Variants in RALGAPA2 observed in about 807,000 individuals in gnomAD.
RALGAPA2 encodes Ral GTPase activating protein catalytic subunit alpha 2.
In RALGAPA2, 139 loss-of-function variants were observed where a neutral mutation model predicts 230.4. The observed-to-expected ratio is 0.60, with a 90% CI of 0.53 to 0.69. The LOEUF is 0.69. Among genes scored for constraint, RALGAPA2 ranks in the 30% least tolerant of loss-of-function variants. The pLI is 0.00. For synonymous variants in RALGAPA2, 847 were observed against 837.8 expected (o/e 1.01, Z -0.19); for missense variants, 2,163 against 2,276.0 (o/e 0.95, Z 1.01).
intron 24 of RALGAPA2, among the ~76,000 whole-genome samples, chr20:20,541,543 T>C (rs902773434): frequency 3.3e-5 from 5 of 152,130 alleles, no homozygotes; most frequent in Non-Finnish European, 7.4e-5. Flanking sequence ...AATGGCTGGG[T>C]AGCAGATACC....
At chr20:20,657,165 G>GA (rs2067616861) in intron 3 of RALGAPA2, among the ~76,000 whole-genome samples, 1 of 152,228 alleles carries the variant, frequency 6.6e-6, no homozygotes, top group Non-Finnish European at 1.5e-5. Context: ...CTGTGAAAGG[G>GA]AAAAGACGGC....
intron 1 of RALGAPA2, among the ~76,000 whole-genome samples, chr20:20,698,850 T>C (rs1240940073): frequency 1.3e-5 from 2 of 152,248 alleles, no homozygotes; most frequent in Non-Finnish European, 2.9e-5. Context: ...AGATCATTGA[T>C]CTGTATTAAC....
chr20:20,705,340 G>T (rs1349521174), intron 1 of RALGAPA2, among the ~76,000 whole-genome samples: 1 of 152,018 alleles, frequency 6.6e-6, no homozygotes, highest in Admixed American at 6.6e-5. Flanking sequence ...CCGAGGAGCT[G>T]GGACCACAGC....
intron 34 of RALGAPA2, among the ~76,000 whole-genome samples, chr20:20,504,489 C>T (rs929814152): frequency 3.3e-5 from 5 of 151,878 alleles, no homozygotes; most frequent in African/African-American, 1.2e-4. Flanking sequence ...TTTGGGAGGC[C>T]GAGGCAGGTG....
At chr20:20,520,574 T>A (rs1465651143) in intron 31 of RALGAPA2, among the ~76,000 whole-genome samples, 1 of 152,176 alleles carries the variant, frequency 6.6e-6, no homozygotes, top group East Asian at 1.9e-4. Context: ...TGGAAAGCCC[T>A]CATGGTGCTA....
intron 16 of RALGAPA2, among the ~76,000 whole-genome samples, chr20:20,593,074 T>G (rs936059043): frequency 6.6e-6 from 1 of 152,142 alleles, no homozygotes; most frequent in Non-Finnish European, 1.5e-5. Flanking sequence ...CACACCACTA[T>G]ACCCAAAAAA....
chr20:20,579,413 A>G (rs2064917778), intron 20 of RALGAPA2, among the ~76,000 whole-genome samples: 1 of 152,166 alleles, frequency 6.6e-6, no homozygotes, highest in Admixed American at 6.6e-5. Flanking sequence ...AAGACCTTGG[A>G]ATCTCCCAAC....
At chr20:20,476,576 A>G (rs957307365) in intron 36 of RALGAPA2, among the ~76,000 whole-genome samples, 1 of 151,868 alleles carries the variant, frequency 6.6e-6, no homozygotes, top group Non-Finnish European at 1.5e-5. Flanking sequence ...TGAAATATTA[A>G]AGCTAAAACC....
intron 37 of RALGAPA2, among the ~76,000 whole-genome samples, chr20:20,427,172 A>G (rs993621416): frequency 6.6e-6 from 1 of 152,190 alleles, no homozygotes; most frequent in Non-Finnish European, 1.5e-5. Context: ...GTTTTCATAG[A>G]AAGCTGAAGG....
At chr20:20,471,727 A>G (rs1240526786) in intron 37 of RALGAPA2, 1 of 152,174 alleles carries the variant, frequency 6.6e-6, no homozygotes, top group African/African-American at 2.4e-5. Context: ...CCTGGCCCCC[A>G]GGGGAGGGAC....
At chr20:20,626,956 G>C (rs1047325802) in intron 10 of RALGAPA2, among the ~76,000 whole-genome samples, 39 of 152,194 alleles carry the variant, frequency 2.6e-4, no homozygotes, top group African/African-American at 9.4e-4. Flanking sequence ...TGCTATAGAT[G>C]ATACACTCCA....
intron 10 of RALGAPA2, among the ~76,000 whole-genome samples, chr20:20,628,597 G>C (rs1385622503): frequency 3.9e-5 from 6 of 152,082 alleles, no homozygotes; most frequent in Non-Finnish European, 7.3e-5. Context: ...GGTGGGGGTG[G>C]GGGCCATTCT....
chr20:20,582,819 C>T (rs950264806), intron 20 of RALGAPA2, among the ~76,000 whole-genome samples: 14 of 152,150 alleles, frequency 9.2e-5, no homozygotes, highest in Non-Finnish European at 5.9e-5. Context: ...GGATTTATAA[C>T]ATGTATGAGT....
chr20:20,416,380 G>T (rs565267403), intron 37 of RALGAPA2, among the ~76,000 whole-genome samples: 2 of 152,246 alleles, frequency 1.3e-5, no homozygotes, highest in South Asian at 4.1e-4. Flanking sequence ...TTACTGATCA[G>T]GTAATGAGAG....
chr20:20,712,599 CT>C lies in RALGAPA2; in HGVS notation c.-120del. 1 of 1,229,152 alleles carries C rather than the reference CT, an allele frequency of 8.1e-7. No individual in the cohort carries two copies. Among genetic ancestry groups the C allele is most frequent in the Non-Finnish European group, 1.0e-6 (1 of 983,138 alleles). The allele number at this position is 1,229,152 out of a possible 1,614,324, so 76.1% of individuals were successfully genotyped here. A position where few individuals can be genotyped will look rare whatever the true frequency, so the allele number is the denominator to read the frequency against. Reference sequence around the variant, plus strand: ...GGGCCACTCGCCGCCCCCAGCCCCGCTGCTGCCGCCGCCGCCGCCGCCGCCG... The same window carrying C: ...GGGCCACTCGCCGCCCCCAGCCCCGCGCTGCCGCCGCCGCCGCCGCCGCCG... On this transcript the variant is annotated 5_prime_UTR_variant, in exon 1 of 40. Transcript: ENST00000202677. This position sits in a 1 kb window ranked among gnomAD's most constrained non-coding sequence, Gnocchi z 5.5.
intron 36 of RALGAPA2, among the ~76,000 whole-genome samples, chr20:20,484,595 A>C (rs1230917284): frequency 1.3e-5 from 2 of 152,196 alleles, no homozygotes; most frequent in Non-Finnish European, 2.9e-5. Flanking sequence ...ATATATTTTA[A>C]AGATGGTTCA....
rs374396005 is a variant in RALGAPA2 at position 20,583,130 on chromosome 20, T to C, written c.2627A>G (p.Asn876Ser). The change falls in exon 20 of 40, where the codon AAT (asparagine) becomes AGT (serine). Residue 876 changes from asparagine to serine, a missense_variant. Coordinates refer to ENST00000202677, the MANE Select transcript of RALGAPA2 (RefSeq NM_020343.4). ...ATCAGCCACAACATCTGTGGGAGTA[T>C]TCAGTTCTGGGTCTTCCTCACAGGT... ...WQTCEEDPEL[N>S]TPTDVVADAD... 8 of 1,613,568 alleles carry C rather than the reference T, an allele frequency of 5.0e-6. No homozygotes were observed. The highest frequency in any genetic ancestry group is 1.3e-5 in the African/African-American group (1 of 74,884).
chr20:20,485,370 C>T (rs1234909227), intron 36 of RALGAPA2, among the ~76,000 whole-genome samples: 1 of 152,212 alleles, frequency 6.6e-6, no homozygotes, highest in African/African-American at 2.4e-5. Context: ...TGTGTCTTCA[C>T]ATTTAAAGTG....
At chr20:20,581,503 G>A (rs2064982503) in intron 20 of RALGAPA2, among the ~76,000 whole-genome samples, 1 of 152,152 alleles carries the variant, frequency 6.6e-6, no homozygotes, top group Admixed American at 6.5e-5. Context: ...TTGGAAGCCA[G>A]TTTCATCTCT....
Sources: allele counts gnomAD v4.1 joint callset (sites outside exome capture counted in the v4.1 genomes callset), GRCh38; gene constraint gnomAD v4.1.1; non-coding constraint Gnocchi (gnomAD v3.1); transcripts MANE v1.5; gene names NCBI Gene and HGNC (gene_info 2026-07-23, HGNC 2026-07-21).